Variants in GRIA4 observed in about 807,000 individuals in gnomAD.
GRIA4 encodes the protein glutamate ionotropic receptor AMPA type subunit 4.
A neutral mutation model predicts 104.0 loss-of-function variants in GRIA4; 34 were observed. The ratio of observed to expected loss-of-function variants is 0.33; its 90% CI spans 0.25 to 0.44. The LOEUF is 0.44. Ranked by LOEUF, GRIA4 falls within the 20% of genes least tolerant of loss-of-function variation. GRIA4 has a pLI of 1.00. For synonymous variants in GRIA4, 386 were observed against 381.9 expected (o/e 1.01, Z -0.13); for missense variants, 750 against 1,096.5 (o/e 0.68, Z 4.46).
intron 15 of GRIA4, among the ~76,000 whole-genome samples, chr11:105,972,245 G>A (rs961042602): frequency 6.6e-6 from 1 of 152,104 alleles, no homozygotes; most frequent in Non-Finnish European, 1.5e-5. Context: ...AATTAAAACT[G>A]CAAAAATTCT....
At chr11:105,761,800 T>C (rs1940663922) in intron 4 of GRIA4, among the ~76,000 whole-genome samples, 1 of 152,050 alleles carries the variant, frequency 6.6e-6, no homozygotes, top group Admixed American at 6.6e-5. Flanking sequence ...AGACAGGCAG[T>C]GGGTCAGATT....
At chr11:105,666,756 C>A (rs994864732) in intron 3 of GRIA4, among the ~76,000 whole-genome samples, 20 of 151,678 alleles carry the variant, frequency 1.3e-4, no homozygotes, top group African/African-American at 4.8e-4. Context: ...AACTTTTTAA[C>A]CTGATCATTG....
intron 3 of GRIA4, among the ~76,000 whole-genome samples, chr11:105,736,041 A>C (rs571105752): frequency 6.6e-6 from 1 of 152,334 alleles, no homozygotes; most frequent in East Asian, 1.9e-4. Flanking sequence ...TAAAATAAAT[A>C]AATGTTTTAA....
At chr11:105,880,813 C>G (rs1388524806) in intron 5 of GRIA4, among the ~76,000 whole-genome samples, 1 of 152,018 alleles carries the variant, frequency 6.6e-6, no homozygotes, top group East Asian at 1.9e-4. Flanking sequence ...TCTTATGCAA[C>G]CTGAGTTTTT....
chr11:105,903,875 G>C lies in GRIA4; in HGVS notation c.947G>C (p.Arg316Thr). Residue 316 changes from arginine (R) to threonine (T), a missense_variant, in exon 8 of 17, where the codon AGG (arginine) becomes ACG (threonine). Coordinates refer to ENST00000282499, the MANE Select transcript of GRIA4 (RefSeq NM_000829.4). ...LVMAETFRSL[R>T]RQKIDISRRG... is the part of the protein sequence containing the mutation. ...ATGGCTGAAACTTTCCGAAGTCTTA[G>C]GAGGCAGAAAATTGATATCTCAAGG... The C allele has an allele frequency of 6.2e-7, 1 of 1,612,524 alleles. No homozygotes were observed. The highest frequency in any genetic ancestry group is 8.5e-7 in the Non-Finnish European group (1 of 1,178,584).
chr11:105,614,654 T>G (rs942365776), intron 3 of GRIA4, among the ~76,000 whole-genome samples: 6 of 151,980 alleles, frequency 3.9e-5, no homozygotes, highest in African/African-American at 1.4e-4. Context: ...GTTTAAAAAT[T>G]TTTTAAGAAA....
At chr11:105,903,560 C>G (rs1034272698) in intron 7 of GRIA4, among the ~76,000 whole-genome samples, 2 of 152,150 alleles carry the variant, frequency 1.3e-5, no homozygotes, top group Admixed American at 1.3e-4. Context: ...TGATGGAAAA[C>G]TGTTTTATTG....
At chr11:105,889,392 A>T (rs917010240) in intron 6 of GRIA4, among the ~76,000 whole-genome samples, 6 of 152,174 alleles carry the variant, frequency 3.9e-5, no homozygotes, top group African/African-American at 1.4e-4. Context: ...TGATTAGATC[A>T]GTGGCTGCCA....
intron 3 of GRIA4, among the ~76,000 whole-genome samples, chr11:105,703,236 C>CA (rs1953569109): frequency 6.6e-6 from 1 of 152,164 alleles, no homozygotes; most frequent in African/African-American, 2.4e-5. Context: ...TTCATATGGT[C>CA]ATTCCTTATC....
intron 4 of GRIA4, among the ~76,000 whole-genome samples, chr11:105,765,857 C>T (rs1268833223): frequency 6.6e-6 from 1 of 152,130 alleles, no homozygotes; most frequent in African/African-American, 2.4e-5. Context: ...CAACCCTTAA[C>T]TTAGAAACTT....
chr11:105,802,362 G>A (rs1340524242), intron 4 of GRIA4, among the ~76,000 whole-genome samples: 3 of 151,992 alleles, frequency 2.0e-5, no homozygotes, highest in Non-Finnish European at 2.9e-5. Flanking sequence ...AAAACCATCA[G>A]AAATAACTAA....
intron 4 of GRIA4, among the ~76,000 whole-genome samples, chr11:105,808,018 T>C (rs1313998073): frequency 1.3e-5 from 2 of 151,986 alleles, no homozygotes; most frequent in Non-Finnish European, 2.9e-5. Context: ...TTCTATTTAA[T>C]AGAAAATAGC....
chr11:105,634,030 A>G (rs192948885), intron 3 of GRIA4, among the ~76,000 whole-genome samples: 1 of 152,224 alleles, frequency 6.6e-6, no homozygotes, highest in African/African-American at 2.4e-5. Context: ...AGTAGTAACC[A>G]AAAGGGCTGC....
intron 7 of GRIA4, among the ~76,000 whole-genome samples, chr11:105,899,584 A>G (rs1288215837): frequency 6.6e-6 from 1 of 152,212 alleles, no homozygotes; most frequent in Non-Finnish European, 1.5e-5. Context: ...TTTAATAAAT[A>G]AATGCAGTAC....
intron 4 of GRIA4, among the ~76,000 whole-genome samples, chr11:105,808,145 A>G (rs996755167): frequency 6.6e-6 from 1 of 151,850 alleles, no homozygotes; most frequent in African/African-American, 2.4e-5. Context: ...CATTGATCTA[A>G]TATTATTGTT....
intron 3 of GRIA4, among the ~76,000 whole-genome samples, chr11:105,726,300 C>A (rs1938203750): frequency 6.6e-6 from 1 of 152,124 alleles, no homozygotes; most frequent in Non-Finnish European, 1.5e-5. Context: ...GTGGAGCCCA[C>A]CGCAGCACCT....
At chr11:105,687,480 AG>A (rs1303737268) in intron 3 of GRIA4, among the ~76,000 whole-genome samples, 8 of 152,224 alleles carry the variant, frequency 5.3e-5, no homozygotes, top group Admixed American at 3.9e-4. Context: ...GGAAGAGACC[AG>A]GAAGATTCTG....
intron 4 of GRIA4, among the ~76,000 whole-genome samples, chr11:105,840,507 G>T (rs1370640281): frequency 1.3e-5 from 2 of 152,152 alleles, no homozygotes; most frequent in Non-Finnish European, 2.9e-5. Flanking sequence ...TATTTTAACA[G>T]AAATGTCCAA....
intron 4 of GRIA4, among the ~76,000 whole-genome samples, chr11:105,770,207 C>T (rs1052729582): frequency 6.6e-6 from 1 of 152,012 alleles, no homozygotes; most frequent in Non-Finnish European, 1.5e-5. Context: ...TGTTTGTATC[C>T]TAACGTCCCC....
Sources: gnomAD v4.1 joint callset for allele counts (sites outside exome capture counted in the v4.1 genomes callset) on GRCh38, gnomAD v4.1.1 for gene constraint, MANE v1.5 for transcripts, NCBI Gene and HGNC (gene_info 2026-07-23, HGNC 2026-07-21) for gene names.